Variants in LCOR observed in about 807,000 individuals in gnomAD.
The protein encoded by LCOR is ligand-dependent corepressor.
LCOR carries 14 observed loss-of-function variants against 64.4 expected under a neutral mutation model. That is an observed-to-expected ratio of 0.22 (90% confidence interval 0.14 to 0.34). The LOEUF is 0.34. Ranked by LOEUF, LCOR falls within the 10% of genes least tolerant of loss-of-function variation. The pLI, the probability that LCOR is intolerant of heterozygous loss-of-function variation, is 1.00. For missense variants in LCOR, 1,686 were observed against 1,765.3 expected, an observed-to-expected ratio of 0.96 and a Z score of 0.80; for synonymous variants, 643 against 642.5, an observed-to-expected ratio of 1.00 and a Z score of -0.01.
intron 4 of LCOR, among the ~76,000 whole-genome samples, chr10:96,916,967 C>T (rs961213861): frequency 1.3e-5 from 2 of 152,158 alleles, no homozygotes; most frequent in East Asian, 1.9e-4. Flanking sequence ...CAAATTAATA[C>T]GTGTTAATTA....
intron 4 of LCOR, among the ~76,000 whole-genome samples, chr10:96,939,940 G>A (rs1375511339): frequency 1.3e-5 from 2 of 152,208 alleles, no homozygotes; most frequent in Non-Finnish European, 2.9e-5. Flanking sequence ...TCCAGCCTAG[G>A]CAACAGAGTG....
chr10:96,964,591 A>G (rs187091136), intron 7 of LCOR: 87 of 152,250 alleles, frequency 5.7e-4, no homozygotes, highest in African/African-American at 2.0e-3. Flanking sequence ...AATCTTTTAG[A>G]TAAAGTTGCT....
At chr10:96,895,968 G>A (rs1325263385) in intron 2 of LCOR, among the ~76,000 whole-genome samples, 1 of 152,164 alleles carries the variant, frequency 6.6e-6, no homozygotes. Context: ...TGTAGTCCAA[G>A]CTGCTCAGGA....
chr10:96,968,046 G>T (rs1159611293), intron 7 of LCOR, among the ~76,000 whole-genome samples: 3 of 152,048 alleles, frequency 2.0e-5, no homozygotes, highest in Non-Finnish European at 4.4e-5. Context: ...TCCACAGGAA[G>T]TTTTTTGGGT....
At chr10:96,934,912 A>G (rs1043757108) in intron 4 of LCOR, among the ~76,000 whole-genome samples, 2 of 152,186 alleles carry the variant, frequency 1.3e-5, no homozygotes, top group African/African-American at 4.8e-5. Context: ...TGAATCTCCA[A>G]CTTTACTCCT....
rs1277018974 is a variant in LCOR at position 96,983,469 on chromosome 10, T to C, written c.3009T>C (p.Asp1003=). 1 of 1,614,014 alleles carries C rather than the reference T, an allele frequency of 6.2e-7. No individual in the cohort carries two copies. The highest frequency in any genetic ancestry group is 8.5e-7 in the Non-Finnish European group (1 of 1,180,000). The part of the protein sequence containing the change: ...EVDNENTQQK[D]DESDAPCSSL... The stretch of plus-strand genomic sequence containing the variant: ...ACAACGAAAACACCCAGCAGAAAGA[T>C]GATGAGAGTGATGCCCCATGCAGCT... The change falls in exon 8 of 8, where the codon GAT becomes GAC. Residue 1003 remains aspartate (D), a synonymous_variant. Coordinates refer to ENST00000421806, the MANE Select transcript of LCOR (RefSeq NM_001346516.2). This position sits in a 1 kb window ranked among gnomAD's most constrained non-coding sequence, Gnocchi z 4.5.
intron 2 of LCOR, among the ~76,000 whole-genome samples, chr10:96,875,022 A>G (rs552931413): frequency 1.3e-3 from 204 of 151,738 alleles, no homozygotes; most frequent in Admixed American, 3.7e-3. Context: ...TCCCATACTC[A>G]TTTTCTGCAC....
intron 2 of LCOR, among the ~76,000 whole-genome samples, chr10:96,873,050 A>C (rs1014599895): frequency 6.8e-6 from 1 of 148,148 alleles, no homozygotes; most frequent in Non-Finnish European, 1.5e-5. Flanking sequence ...TAGGGTGAGC[A>C]AAGGGCTAAA....
In LCOR at chr10:96,982,148, A is replaced by T. The variant is rs1439734536; in HGVS notation, c.1688A>T (p.Asp563Val). The T allele has an allele frequency of 1.2e-6, 2 of 1,614,108 alleles. No individual in the cohort carries two copies. Among genetic ancestry groups the T allele is most frequent in the Non-Finnish European group, 1.7e-6 (2 of 1,180,056 alleles). Residue 563 changes from aspartate (D) to valine (V), a missense_variant, in exon 8 of 8, where the codon GAC becomes GTC. Transcript: ENST00000421806. ...GTAGATGTGCAGCTTCCCAGAGAAG[A>T]CAACCCTGAAGAACCTAGCAAGGAA... ...HTVDVQLPRE[D>V]NPEEPSKEIT...
At chr10:96,972,807 C>T (rs1848009712) in intron 7 of LCOR, among the ~76,000 whole-genome samples, 1 of 152,114 alleles carries the variant, frequency 6.6e-6, no homozygotes, top group Non-Finnish European at 1.5e-5. Flanking sequence ...TATTTTTCCC[C>T]CAGTTTCGAT....
In LCOR at chr10:96,981,915, G is replaced by C. The variant is rs1848091046; in HGVS notation, c.1455G>C (p.Glu485Asp). Residue 485 changes from glutamate (E) to aspartate (D), a missense_variant, in exon 8 of 8, where the codon GAG (glutamate) becomes GAC (aspartate). Physicochemically the swap from Glu to Asp is conservative, Grantham distance 45. Transcript: ENST00000421806. ...ISQPITECHF[E>D]NQKSILSSRK... ...AACCAATAACAGAATGCCACTTTGA[G>C]AATCAAAAATCAATATTATCTTCTC... 6.2e-7 allele frequency: 1 copy of C among 1,614,032 alleles called. No individual in the cohort carries two copies. The highest frequency in any genetic ancestry group is 1.3e-5 in the African/African-American group (1 of 74,918).
At chr10:96,834,023 T>G (rs1845396968) in intron 2 of LCOR, among the ~76,000 whole-genome samples, 1 of 152,184 alleles carries the variant, frequency 6.6e-6, no homozygotes, top group Admixed American at 6.5e-5. Context: ...CCCTTTACAA[T>G]GTCCCACAAG....
chr10:96,870,101 C>T (rs1402505887), intron 2 of LCOR, among the ~76,000 whole-genome samples: 1 of 152,088 alleles, frequency 6.6e-6, no homozygotes, highest in East Asian at 1.9e-4. Flanking sequence ...GTCGCCCAGG[C>T]TGGAGTGCAG....
chr10:96,927,127 C>T (rs1847182331), intron 4 of LCOR, among the ~76,000 whole-genome samples: 1 of 152,042 alleles, frequency 6.6e-6, no homozygotes, highest in African/African-American at 2.4e-5. Flanking sequence ...TTTGTGTTTC[C>T]ATCAGCAGTG....
rs145792421 is a variant in LCOR at position 96,983,902 on chromosome 10, A to G, written c.3442A>G (p.Ile1148Val). 8 of 1,614,060 alleles carry G rather than the reference A, an allele frequency of 5.0e-6. No individual in the cohort carries two copies. In the African/African-American group the frequency reaches 1.1e-4, roughly 22 times the overall value. Residue 1148 changes from isoleucine to valine, a missense_variant, in exon 8 of 8, where the codon ATT becomes GTT. Physicochemically the swap from Ile to Val is conservative, Grantham distance 29. This residue lies in a region of LCOR where 1,293 missense variants were observed against 1,410.4 expected (regional missense o/e 0.92). Transcript: ENST00000421806. The surrounding 1 kb of genome is among the most constrained non-coding windows in gnomAD (Gnocchi z 4.5). ...GAACAAATCAGATAAACTGAAAGAG[A>G]TTTGGAAAAGCAAGAAAAGGTCACG... is the stretch of plus-strand genomic sequence containing the variant. The part of the protein sequence containing the change: ...ARNKSDKLKE[I>V]WKSKKRSRKC...
At chr10:96,962,076 TAAA>T (rs1847890504) in intron 7 of LCOR, 1 of 152,030 alleles carries the variant, frequency 6.6e-6, no homozygotes, top group Non-Finnish European at 1.5e-5. Context: ...GATGATTATT[TAAA>T]AATATAAAAC....
chr10:96,865,355 T>G (rs1444068496), intron 2 of LCOR, among the ~76,000 whole-genome samples: 1 of 152,144 alleles, frequency 6.6e-6, no homozygotes, highest in Non-Finnish European at 1.5e-5. Context: ...AAAGATACAA[T>G]TATACCTAGG....
At chr10:96,897,706 T>C (rs1438047892) in intron 2 of LCOR, among the ~76,000 whole-genome samples, 1 of 152,216 alleles carries the variant, frequency 6.6e-6, no homozygotes, top group Non-Finnish European at 1.5e-5. Context: ...TTTTGTTTTA[T>C]TTCTATCTTC....
At chr10:96,957,497 A>G (rs971253506) in intron 7 of LCOR, 1 of 985,420 alleles carries the variant, frequency 1.0e-6, no homozygotes, top group Non-Finnish European at 1.2e-6. Context: ...CACCACATGT[A>G]CTGTATATTC....
Sources: allele counts gnomAD v4.1 joint callset (sites outside exome capture counted in the v4.1 genomes callset), GRCh38; gene constraint gnomAD v4.1.1; regional missense constraint gnomAD v4.1.1; non-coding constraint Gnocchi (gnomAD v3.1); transcripts MANE v1.5; gene names NCBI Gene and HGNC (gene_info 2026-07-23, HGNC 2026-07-21).